Variants in PER2 observed in about 807,000 individuals in gnomAD.
The protein encoded by PER2 is period circadian regulator 2.
A neutral mutation model predicts 121.0 loss-of-function variants in PER2; 66 were observed. The observed-to-expected ratio is 0.55, with a 90% CI of 0.45 to 0.67. The LOEUF (loss-of-function observed/expected upper bound fraction) is 0.67, where lower values mean the gene tolerates loss of function less well. Among genes scored for constraint, PER2 ranks in the 30% least tolerant of loss-of-function variants. The pLI is 0.00. For synonymous variants in PER2, 684 were observed against 659.9 expected, an observed-to-expected ratio of 1.04 and a Z score of -0.56; for missense variants, 1,521 against 1,635.0, an observed-to-expected ratio of 0.93 and a Z score of 1.20.
upstream of PER2, chr2:238,288,698 C>T (rs2106336594): frequency 2.0e-5 from 3 of 151,612 alleles, no homozygotes; most frequent in Middle Eastern, 0.01. Flanking sequence ...ACTCGCGGCT[C>T]TGTCCGCCCG....
chr2:238,255,356 G>T (rs998582999), intron 18 of PER2: 14 of 489,462 alleles, frequency 2.9e-5, no homozygotes, highest in African/African-American at 1.7e-4. Context: ...TGGGGCCCCT[G>T]CCCACATGGT....
chr2:238,292,017 G>A (rs1696958778), upstream of PER2, among the ~76,000 whole-genome samples: 1 of 152,218 alleles, frequency 6.6e-6, no homozygotes, highest in Non-Finnish European at 1.5e-5. Context: ...AGAAAGCCAG[G>A]CATGATGGCA....
chr2:238,262,429 G>A (rs1695964633), intron 10 of PER2, 85 bp from the exon 11 acceptor site: 3 of 1,374,776 alleles, frequency 2.2e-6, no homozygotes, highest in Non-Finnish European at 3.1e-6. Flanking sequence ...AGTCACTCAG[G>A]CCCAGGATCA....
chr2:238,247,261 T>C (rs955660572), intron 22 of PER2: 2 of 152,366 alleles, frequency 1.3e-5, no homozygotes, highest in African/African-American at 4.8e-5. Flanking sequence ...TTTTCCTCTC[T>C]GGGGAAGTCA....
rs1397392221 is a variant in PER2 at position 238,245,779 on chromosome 2, T to C, written c.*596A>G. On this transcript the variant is annotated 3_prime_UTR_variant, in exon 23 of 23. Coordinates refer to ENST00000254657, the MANE Select transcript of PER2 (RefSeq NM_022817.3). The stretch of plus-strand genomic sequence containing the variant: ...AAACAAAACCTATGTCAGACTGAAA[T>C]ATTGACCACACCAGAAGCCAAAGCT... 2 of 397,612 alleles carry C rather than the reference T, an allele frequency of 5.0e-6. No homozygotes were observed. Among genetic ancestry groups the C allele is most frequent in the Non-Finnish European group, 8.9e-6 (2 of 225,834 alleles). The allele number at this position is 397,612 out of a possible 1,614,324, so 24.6% of individuals were successfully genotyped here. A position where few individuals can be genotyped will look rare whatever the true frequency, so the allele number is the denominator to read the frequency against.
At chr2:238,249,477 C>T (rs1276222902) in intron 21 of PER2, among the ~76,000 whole-genome samples, 21 of 152,192 alleles carry the variant, frequency 1.4e-4, no homozygotes, top group Admixed American at 1.4e-3. Flanking sequence ...ACCTTGTCCC[C>T]TGGGGCTCAG....
intron 22 of PER2, among the ~76,000 whole-genome samples, chr2:238,247,896 G>A (rs1401165232): frequency 6.6e-6 from 1 of 152,254 alleles, no homozygotes; most frequent in Admixed American, 6.5e-5. Flanking sequence ...ACAGGGAGCA[G>A]TGAGTGCAGC....
In PER2 at chr2:238,268,857, G is replaced by A. The variant is rs1405767193; in HGVS notation, c.824+66C>T. Reference sequence around the variant, plus strand: ...GGGATCACGCCCCCCAGCCTCAAGCGGAGCAGTGCTGGGGTGAAATGTTTA... The same window carrying A: ...GGGATCACGCCCCCCAGCCTCAAGCAGAGCAGTGCTGGGGTGAAATGTTTA... On this transcript the variant is annotated intron_variant, in intron 7 of 22. Transcript: ENST00000254657. This position sits in a 1 kb window ranked among gnomAD's most constrained non-coding sequence, Gnocchi z 4.0. 17 of 1,181,480 alleles carry A rather than the reference G, an allele frequency of 1.4e-5. No individual in the cohort carries two copies. Among genetic ancestry groups the A allele is most frequent in the Middle Eastern group, 1.9e-4 (1 of 5,254 alleles). The allele number at this position is 1,181,480 out of a possible 1,614,324, so 73.2% of individuals were successfully genotyped here.
intron 9 of PER2, among the ~76,000 whole-genome samples, chr2:238,263,562 T>C (rs1385175499): frequency 6.6e-6 from 1 of 152,146 alleles, no homozygotes; most frequent in African/African-American, 2.4e-5. Context: ...CCTCTGCCCT[T>C]TGAGCTCATG....
upstream of PER2, among the ~76,000 whole-genome samples, chr2:238,291,570 GTC>G (rs1212878644): frequency 6.6e-6 from 1 of 152,222 alleles, no homozygotes; most frequent in Non-Finnish European, 1.5e-5. Context: ...GGCCAGCAAA[GTC>G]TCTCTAAAGA....
upstream of PER2, among the ~76,000 whole-genome samples, chr2:238,288,976 T>A (rs778734975): frequency 1.3e-5 from 2 of 152,188 alleles, no homozygotes; most frequent in Non-Finnish European, 2.9e-5. Flanking sequence ...CGTCGGTTCC[T>A]CAATGGAGAC....
intron 8 of PER2, among the ~76,000 whole-genome samples, chr2:238,266,717 A>C (rs1696124118): frequency 6.6e-6 from 1 of 152,190 alleles, no homozygotes; most frequent in Admixed American, 6.5e-5. Flanking sequence ...AAAGTCACAT[A>C]CTTAAAATAT....
At chr2:238,269,696 C>T (rs1184718573) in intron 6 of PER2, among the ~76,000 whole-genome samples, 1 of 152,156 alleles carries the variant, frequency 6.6e-6, no homozygotes, top group African/African-American at 2.4e-5. Context: ...CACCAACTAA[C>T]CTACAACTGA....
the PER2 span, among the ~76,000 whole-genome samples, chr2:238,297,097 A>G: frequency 1.3e-5 from 2 of 152,244 alleles, no homozygotes; most frequent in East Asian, 3.9e-4. Context: ...GACAGGAACG[A>G]GGAGCAAAGA....
At chr2:238,271,937 C>T (rs1696303655) in intron 5 of PER2, among the ~76,000 whole-genome samples, 1 of 152,080 alleles carries the variant, frequency 6.6e-6, no homozygotes, top group Non-Finnish European at 1.5e-5. Flanking sequence ...ATTCCAGCCC[C>T]GCCATAAACT....
At chr2:238,279,692 G>A (rs149395995) in intron 1 of PER2, among the ~76,000 whole-genome samples, 1 of 152,320 alleles carries the variant, frequency 6.6e-6, no homozygotes, top group African/African-American at 2.4e-5. Flanking sequence ...CTAGCTCTGG[G>A]AGAGCCTCCC....
chr2:238,248,871 G>C, intron 22 of PER2, 191 bp downstream of exon 22: 2 of 663,466 alleles, frequency 3.0e-6, no homozygotes, highest in Non-Finnish European at 5.6e-6. Flanking sequence ...TTGCCAGGAT[G>C]GTCTCGATCT....
chr2:238,261,649 C>A (rs1219545333), intron 12 of PER2, 80 bp downstream of exon 12: 1 of 886,688 alleles, frequency 1.1e-6, no homozygotes, highest in Admixed American at 2.0e-5. Context: ...TGTGCCAGGA[C>A]CAGGGTTCAG....
intron 1 of PER2, among the ~76,000 whole-genome samples, chr2:238,284,579 G>A (rs980142450): frequency 7.9e-5 from 12 of 152,162 alleles, no homozygotes; most frequent in African/African-American, 2.7e-4. Context: ...TAAGAACTCA[G>A]TGCCACCTCC....
Sources: gnomAD v4.1 joint callset for allele counts (sites outside exome capture counted in the v4.1 genomes callset) on GRCh38, gnomAD v4.1.1 for gene constraint, Gnocchi (gnomAD v3.1) non-coding constraint, MANE v1.5 for transcripts, NCBI Gene and HGNC (gene_info 2026-07-23, HGNC 2026-07-21) for gene names.